Variants in MAST2 observed in about 807,000 individuals in gnomAD.
The protein encoded by MAST2 is microtubule-associated serine/threonine-protein kinase 2.
In MAST2, 70 loss-of-function variants were observed where a neutral mutation model predicts 147.4. That is an observed-to-expected ratio of 0.47 (90% confidence interval 0.39 to 0.58). The LOEUF is 0.58. Ranked by LOEUF, MAST2 falls within the 20% of genes least tolerant of loss-of-function variation. MAST2 has a pLI of 0.00. For synonymous variants in MAST2, 869 were observed against 896.8 expected, an observed-to-expected ratio of 0.97 and a Z score of 0.55; for missense variants, 2,080 against 2,302.3, an observed-to-expected ratio of 0.90 and a Z score of 1.98.
Position 45,959,351 on chromosome 1 carries a change from G to T in MAST2, c.501-35G>T. 3 of 1,552,022 alleles carry T rather than the reference G, an allele frequency of 1.9e-6. No homozygotes were observed. In the South Asian group the frequency reaches 3.4e-5, roughly 17 times the overall value. On this transcript the variant is annotated intron_variant, in intron 4 of 28. Transcript: ENST00000361297. ...TCAAGGTCTCTGGGCCCATGGTGTG[G>T]CCCTATTATAATTCATATTTTGTTT...
chr1:45,815,065 G>A (rs1190465240), intron 1 of MAST2, among the ~76,000 whole-genome samples: 1 of 152,164 alleles, frequency 6.6e-6, no homozygotes, highest in African/African-American at 2.4e-5. Flanking sequence ...CCTTAAGAGT[G>A]AACCTGAGTA....
At chr1:45,841,299 GTC>G (rs1444890905) in intron 3 of MAST2, among the ~76,000 whole-genome samples, 3 of 152,024 alleles carry the variant, frequency 2.0e-5, no homozygotes, top group Admixed American at 2.0e-4. Flanking sequence ...AATTTAACTT[GTC>G]TCAGGTTTGT....
At chr1:46,008,026 G>A (rs1412572519) in intron 8 of MAST2, among the ~76,000 whole-genome samples, 1 of 152,212 alleles carries the variant, frequency 6.6e-6, no homozygotes, top group East Asian at 1.9e-4. Context: ...AGCCACCAGT[G>A]AGCTTAGGAG....
intron 4 of MAST2, among the ~76,000 whole-genome samples, chr1:45,953,082 A>G (rs1311009230): frequency 6.6e-6 from 1 of 152,154 alleles, no homozygotes; most frequent in Non-Finnish European, 1.5e-5. Context: ...GGATCTTTTA[A>G]TTTTGTTCAG....
intron 5 of MAST2, among the ~76,000 whole-genome samples, chr1:45,984,554 C>CT (rs759206443): frequency 6.6e-6 from 1 of 152,124 alleles, no homozygotes; most frequent in Non-Finnish European, 1.5e-5. Context: ...AGTGATCCTC[C>CT]TGCCTCATCC....
intron 4 of MAST2, among the ~76,000 whole-genome samples, chr1:45,897,816 CAAAT>C (rs766134726): frequency 6.7e-6 from 1 of 149,058 alleles, no homozygotes; most frequent in Non-Finnish European, 1.5e-5. Context: ...CTTAAAAAAA[CAAAT>C]AGAGCCAGGC....
At chr1:45,918,575 TTA>T (rs1212869843) in intron 4 of MAST2, among the ~76,000 whole-genome samples, 2 of 152,122 alleles carry the variant, frequency 1.3e-5, no homozygotes, top group Non-Finnish European at 2.9e-5. Flanking sequence ...GTAGCTGGGA[TTA>T]CAGGCGGCTG....
chr1:45,986,042 A>C (rs1410561672), intron 5 of MAST2, among the ~76,000 whole-genome samples: 2 of 152,190 alleles, frequency 1.3e-5, no homozygotes, highest in Admixed American at 1.3e-4. Context: ...CAACTTGCCT[A>C]TTCCACTGGG....
intron 3 of MAST2, among the ~76,000 whole-genome samples, chr1:45,852,401 C>T (rs527654724): frequency 1.3e-5 from 2 of 152,080 alleles, no homozygotes; most frequent in East Asian, 3.9e-4. Context: ...TCACTCTGTC[C>T]CCCAGGCTGG....
intron 4 of MAST2, chr1:45,917,190 T>C (rs1652676745): frequency 3.0e-6 from 1 of 334,448 alleles, no homozygotes. Flanking sequence ...TGTACCAACA[T>C]TGGTACTGAA....
intron 3 of MAST2, among the ~76,000 whole-genome samples, chr1:45,842,137 G>A (rs6697557): frequency 0.45 from 67,754 of 151,840 alleles, 15,328 homozygotes; most frequent in East Asian, 0.62. Context: ...TGATCCACCC[G>A]CTTTGGCCTC....
At chr1:45,977,229 T>C (rs1465676880) in intron 5 of MAST2, among the ~76,000 whole-genome samples, 6 of 152,262 alleles carry the variant, frequency 3.9e-5, no homozygotes, top group Non-Finnish European at 8.8e-5. Context: ...GGCTCATGCC[T>C]GTATTCCCAG....
At position 46,023,818 on chromosome 1, in the gene MAST2, A is replaced by T; in HGVS notation, c.1618A>T (p.Met540Leu). The T allele has an allele frequency of 6.2e-7, 1 of 1,614,158 alleles. No individual in the cohort carries two copies. Reference sequence around the variant, plus strand: ...CAAGTCCACCCGGCAGCGCTTTGCCATGAAGAAGATCAACAAGCAGAACCT... The same window carrying T: ...CAAGTCCACCCGGCAGCGCTTTGCCTTGAAGAAGATCAACAAGCAGAACCT... ...RHKSTRQRFA[M>L]KKINKQNLIL... Residue 540 changes from methionine to leucine, a missense_variant, in exon 15 of 29, where the codon ATG (methionine) becomes TTG (leucine). Met to Leu is a conservative substitution (Grantham distance 15). Around this residue, in one of 4 missense-constraint regions of MAST2, gnomAD observed 569 missense variants for 642.5 expected, o/e 0.89. Coordinates refer to ENST00000361297, the MANE Select transcript of MAST2 (RefSeq NM_015112.3). The surrounding 1 kb of genome is among the most constrained non-coding windows in gnomAD (Gnocchi z 4.9).
At chr1:45,933,266 T>G (rs1655648485) in intron 4 of MAST2, among the ~76,000 whole-genome samples, 1 of 150,362 alleles carries the variant, frequency 6.7e-6, no homozygotes, top group Admixed American at 6.6e-5. Context: ...CAAATGTTGA[T>G]GGTAGACATG....
intron 1 of MAST2, among the ~76,000 whole-genome samples, chr1:45,814,914 A>AT (rs1031299564): frequency 2.0e-5 from 3 of 152,286 alleles, no homozygotes; most frequent in East Asian, 3.9e-4. Flanking sequence ...ACTTTTATGG[A>AT]TTTTTTTATT....
At position 45,824,452 on chromosome 1, in the gene MAST2, G is replaced by A; in HGVS notation, c.197G>A (p.Ser66Asn). The A allele has an allele frequency of 6.2e-7, 1 of 1,608,264 alleles. No individual in the cohort carries two copies. The highest frequency in any genetic ancestry group is 8.5e-7 in the Non-Finnish European group (1 of 1,176,304). The change falls in exon 2 of 29, where the codon AGT becomes AAT. Residue 66 changes from serine to asparagine, a missense_variant. Physicochemically the swap from Ser to Asn is conservative, Grantham distance 46. Transcript: ENST00000361297. ...GKEQDVVTGV[S>N]PLLFRKLSNP... ...TTGAAGGATGTAGTAACTGGAGTTA[G>A]TCCCCTGCTCTTCAGGAAACTCAGT... is the stretch of plus-strand genomic sequence containing the variant.
At chr1:45,878,183 G>A (rs1646687695) in intron 3 of MAST2, among the ~76,000 whole-genome samples, 1 of 144,030 alleles carries the variant, frequency 6.9e-6, no homozygotes, top group African/African-American at 2.6e-5. Context: ...CAGTCTGGGT[G>A]ATGGAGCAAG....
intron 5 of MAST2, among the ~76,000 whole-genome samples, chr1:45,963,089 T>C (rs1230201002): frequency 6.6e-6 from 1 of 152,166 alleles, no homozygotes; most frequent in Non-Finnish European, 1.5e-5. Flanking sequence ...TGTGGTATTA[T>C]TTCTGAGGGC....
chr1:45,880,145 G>A (rs1646780360), intron 3 of MAST2, among the ~76,000 whole-genome samples: 1 of 152,056 alleles, frequency 6.6e-6, no homozygotes, highest in Non-Finnish European at 1.5e-5. Flanking sequence ...AATATAGCTT[G>A]TCAAAAAACA....
Sources: gnomAD v4.1 joint callset for allele counts (sites outside exome capture counted in the v4.1 genomes callset) on GRCh38, gnomAD v4.1.1 for gene constraint, gnomAD v4.1.1 regional missense constraint, Gnocchi (gnomAD v3.1) non-coding constraint, MANE v1.5 for transcripts, NCBI Gene and HGNC (gene_info 2026-07-23, HGNC 2026-07-21) for gene names.